The following EFHD2 variants were observed in gnomAD, a reference collection of about 807,000 sequenced individuals.
EFHD2 encodes the protein EF-hand domain-containing protein D2.
Under a neutral mutation model 20.3 loss-of-function variants are expected in EFHD2, and 12 were observed. The observed-to-expected ratio is 0.59, with a 90% CI of 0.38 to 0.96. The LOEUF (loss-of-function observed/expected upper bound fraction) is 0.96, where lower values mean the gene tolerates loss of function less well. EFHD2 is among the 40% of genes least tolerant of loss of function. The pLI is 0.00. For synonymous variants in EFHD2, 131 were observed against 143.9 expected (o/e 0.91, Z 0.64); for missense variants, 250 against 334.3 (o/e 0.75, Z 1.97).
intron 1 of EFHD2, among the ~76,000 whole-genome samples, chr1:15,423,591 C>T (rs893947928): frequency 1.9e-4 from 29 of 152,304 alleles, no homozygotes; most frequent in South Asian, 2.1e-4. Context: ...CACTTAACCT[C>T]TCTGAGCCTT....
In EFHD2 at chr1:15,410,277, G is replaced by A; in HGVS notation, c.306G>A (p.Lys102=). ...TCAAGGACATGGAGAAGATGTTCAAGCAGTAAGTGCCCGCGCGACCCGGCC... is the reference window on the plus strand; with the variant it reads ...TCAAGGACATGGAGAAGATGTTCAAACAGTAAGTGCCCGCGCGACCCGGCC... The part of the protein sequence containing the change: ...KQIKDMEKMF[K]QYDAGRDGFI... Residue 102 remains lysine (K), a splice_region_variant and synonymous_variant, in exon 1 of 4, where the codon AAG becomes AAA. Transcript: ENST00000375980. The A allele has an allele frequency of 6.3e-7, 1 of 1,594,934 alleles. No individual in the cohort carries two copies. Among genetic ancestry groups the A allele is most frequent in the Non-Finnish European group, 8.5e-7 (1 of 1,172,402 alleles).
Position 15,429,448 on chromosome 1 carries a change from C to T in EFHD2, c.*724C>T, listed in dbSNP as rs1707930183. 6.5e-6 allele frequency: 1 copy of T among 152,742 alleles called. No homozygotes were observed. The highest frequency in any genetic ancestry group is 1.5e-5 in the Non-Finnish European group (1 of 68,116). 9.5% of individuals were successfully genotyped at this position (152,742 alleles called of 1,614,324 possible). A position where few individuals can be genotyped will look rare whatever the true frequency, so the allele number is the denominator to read the frequency against. ...CCAATCTACCTCACAGGCCCACCCC[C>T]TGCCGGGCATGCCGTGGGATCATGG... On this transcript the variant is annotated 3_prime_UTR_variant, in exon 4 of 4. Transcript: ENST00000375980.
chr1:15,409,998 G>A lies in EFHD2; in HGVS notation c.27G>A (p.Lys9=), dbSNP rs1420469650. 2.4e-6 allele frequency: 3 copies of A among 1,255,714 alleles called. No homozygotes were observed. Among genetic ancestry groups the A allele is most frequent in the Non-Finnish European group, 3.0e-6 (3 of 1,004,492 alleles). The allele number at this position is 1,255,714 out of a possible 1,614,324, so 77.8% of individuals were successfully genotyped here. The change falls in exon 1 of 4, where the codon AAG becomes AAA. Residue 9 remains lysine, a synonymous_variant. Coordinates refer to ENST00000375980, the MANE Select transcript of EFHD2 (RefSeq NM_024329.6). ...TGGCCACGGACGAGCTGGCCACCAA[G>A]CTGAGCCGGCGGCTGCAGATGGAGG... is the stretch of plus-strand genomic sequence containing the variant. MATDELAT[K]LSRRLQMEGE...
intron 1 of EFHD2, among the ~76,000 whole-genome samples, chr1:15,414,585 C>T (rs1235911056): frequency 6.6e-6 from 1 of 152,262 alleles, no homozygotes; most frequent in Admixed American, 6.5e-5. Flanking sequence ...CTGGGCCCCT[C>T]ATAGGGCCCT....
At chr1:15,424,740 C>T (rs780012662) in intron 1 of EFHD2, among the ~76,000 whole-genome samples, 22 of 152,192 alleles carry the variant, frequency 1.4e-4, no homozygotes, top group South Asian at 4.1e-4. Context: ...TTCTTCATTA[C>T]ACATTTTTGA....
chr1:15,427,598 G>T (rs1316089189), intron 3 of EFHD2, among the ~76,000 whole-genome samples: 1 of 152,330 alleles, frequency 6.6e-6, no homozygotes. Flanking sequence ...AGGAGGGCAG[G>T]CCCAGAAACA....
Position 15,425,727 on chromosome 1 carries a change from GCCTGGACT to G in EFHD2, c.309-143_309-136del. On this transcript the variant is annotated intron_variant, in intron 1 of 3. Coordinates refer to ENST00000375980, the MANE Select transcript of EFHD2 (RefSeq NM_024329.6). ...GAGCTGAGCCACATATGGGTCCTCT[GCCTGGACT>G]GAGGTCCCTTCCAACAGTGACGGGA... 1.7e-6 allele frequency: 2 copies of G among 1,206,042 alleles called. 1 individual carries two copies. 74.7% of individuals were successfully genotyped at this position (1,206,042 alleles called of 1,614,324 possible). A position where few individuals can be genotyped will look rare whatever the true frequency, so the allele number is the denominator to read the frequency against.
rs1403829997 is a variant in EFHD2, at chr1:15,426,737, C to T, written c.457-413C>T. On this transcript the variant is annotated intron_variant, in intron 2 of 3. Transcript: ENST00000375980. This position sits in a 1 kb window ranked among gnomAD's most constrained non-coding sequence, Gnocchi z 4.6. ...AGAGCAGGGTTCCATCCCTCTGACACGTTCAGGCGCTGAGACTTGGGGTGT... is the reference window on the plus strand; with the variant it reads ...AGAGCAGGGTTCCATCCCTCTGACATGTTCAGGCGCTGAGACTTGGGGTGT... Among the ~76,000 whole-genome samples the T allele has an allele frequency of 1.3e-5, 2 of 152,106 alleles. No homozygotes were observed. The highest frequency in any genetic ancestry group is 2.9e-5 in the Non-Finnish European group (2 of 68,006).
In EFHD2 at chr1:15,426,821, G is replaced by A. The variant is rs1707878265; in HGVS notation, c.457-329G>A. Among the ~76,000 whole-genome samples the A allele has an allele frequency of 6.6e-6, 1 of 152,192 alleles. No individual in the cohort carries two copies. The highest frequency in any genetic ancestry group is 2.4e-5 in the African/African-American group (1 of 41,438). On this transcript the variant is annotated intron_variant, in intron 2 of 3. Coordinates refer to ENST00000375980, the MANE Select transcript of EFHD2 (RefSeq NM_024329.6). This position sits in a 1 kb window ranked among gnomAD's most constrained non-coding sequence, Gnocchi z 4.6. ...ATGACACCTGTAGGACTCAATACATGGAACGCAGAGTAGGTTCACTGGGCA... is the reference window on the plus strand; with the variant it reads ...ATGACACCTGTAGGACTCAATACATAGAACGCAGAGTAGGTTCACTGGGCA...
chr1:15,415,904 T>C (rs1179773241), intron 1 of EFHD2, among the ~76,000 whole-genome samples: 1 of 152,160 alleles, frequency 6.6e-6, no homozygotes, highest in Non-Finnish European at 1.5e-5. Flanking sequence ...CAGATCCTCC[T>C]GCAAGGAGCC....
rs1403388886 is a variant in EFHD2 at position 15,427,201 on chromosome 1, G to A, written c.508G>A (p.Gly170Arg). Residue 170 changes from glycine to arginine, a missense_variant, in exon 3 of 4, where the codon GGG becomes AGG. Around this residue, in one of 3 missense-constraint regions of EFHD2, gnomAD observed 100 missense variants for 116.2 expected, o/e 0.86. Transcript: ENST00000375980. ...AAAGELQEDSGLCVLARLSEI... is the reference protein window; with the variant it reads ...AAAGELQEDSRLCVLARLSEI... The stretch of plus-strand genomic sequence containing the variant: ...GGCCGGGGAGCTTCAGGAGGACAGC[G>A]GGCTGTGCGTGCTGGCCCGCCTCTC... 3.7e-6 allele frequency: 6 copies of A among 1,606,348 alleles called. No individual in the cohort carries two copies. Among genetic ancestry groups the A allele is most frequent in the Non-Finnish European group, 4.2e-6 (5 of 1,177,092 alleles).
rs910639485 is a variant in EFHD2 at position 15,430,083 on chromosome 1, T to C, written c.*1359T>C. The C allele has an allele frequency of 6.5e-6, 1 of 152,798 alleles. No homozygotes were observed. Among genetic ancestry groups the C allele is most frequent in the Non-Finnish European group, 1.5e-5 (1 of 68,056 alleles). 9.5% of individuals were successfully genotyped at this position (152,798 alleles called of 1,614,324 possible). ...CTACGCGGACTTGCAGAGGTTTTAT[T>C]TTTTGGCCTTAGAATCTGCAGAAAT... On this transcript the variant is annotated 3_prime_UTR_variant, in exon 4 of 4. Transcript: ENST00000375980.
chr1:15,416,653 TA>T (rs1375724074), intron 1 of EFHD2, among the ~76,000 whole-genome samples: 1 of 150,986 alleles, frequency 6.6e-6, no homozygotes, highest in Non-Finnish European at 1.5e-5. Context: ...CAAAGTCACA[TA>T]GCCAGTGAGG....
At chr1:15,427,673 C>T (rs1407148681) in intron 3 of EFHD2, among the ~76,000 whole-genome samples, 1 of 152,204 alleles carries the variant, frequency 6.6e-6, no homozygotes, top group Non-Finnish European at 1.5e-5. Context: ...AGGAGGAAGC[C>T]TGCGGGCTCA....
Position 15,428,983 on chromosome 1 carries a change from T to G in EFHD2, c.*259T>G. 3 of 474,902 alleles carry G rather than the reference T, an allele frequency of 6.3e-6. No homozygotes were observed. Among genetic ancestry groups the G allele is most frequent in the Non-Finnish European group, 3.8e-6 (1 of 262,040 alleles). 29.4% of individuals were successfully genotyped at this position (474,902 alleles called of 1,614,324 possible). Reference sequence around the variant, plus strand: ...CCTCCCTGGCAATCCCTGGGCTCTCTTGCACCCCTAACTGCCCCCTGCCTG... The same window carrying G: ...CCTCCCTGGCAATCCCTGGGCTCTCGTGCACCCCTAACTGCCCCCTGCCTG... On this transcript the variant is annotated 3_prime_UTR_variant, in exon 4 of 4. Coordinates refer to ENST00000375980, the MANE Select transcript of EFHD2 (RefSeq NM_024329.6).
intron 1 of EFHD2, among the ~76,000 whole-genome samples, 157 bp from the exon 2 acceptor site, chr1:15,425,714 A>G (rs757048953): frequency 2.6e-5 from 4 of 152,110 alleles, no homozygotes; most frequent in Non-Finnish European, 5.9e-5. Flanking sequence ...GCTGAGCCAC[A>G]TATGGGTCCT....
At chr1:15,423,442 C>T (rs920033722) in intron 1 of EFHD2, among the ~76,000 whole-genome samples, 1 of 152,192 alleles carries the variant, frequency 6.6e-6, no homozygotes, top group East Asian at 1.9e-4. Context: ...GTGCTCCAGG[C>T]AGCCGTCTGT....
chr1:15,419,349 C>A (rs1483763858), intron 1 of EFHD2, among the ~76,000 whole-genome samples: 4 of 152,252 alleles, frequency 2.6e-5, no homozygotes, highest in Non-Finnish European at 4.4e-5. Context: ...CGGTGCCAGG[C>A]CCCGCAGCCT....
intron 3 of EFHD2, chr1:15,428,006 A>G (rs753564767): frequency 2.1e-6 from 1 of 470,994 alleles, no homozygotes; most frequent in South Asian, 1.5e-5. Flanking sequence ...GCCACAGAAT[A>G]TAGGTTCTCT....
Sources: allele counts gnomAD v4.1 joint callset (sites outside exome capture counted in the v4.1 genomes callset), GRCh38; gene constraint gnomAD v4.1.1; regional missense constraint gnomAD v4.1.1; non-coding constraint Gnocchi (gnomAD v3.1); transcripts MANE v1.5; gene names NCBI Gene and HGNC (gene_info 2026-07-23, HGNC 2026-07-21).